PTK2: variants seen among roughly 807,000 people sequenced by gnomAD.
The protein encoded by PTK2 is protein tyrosine kinase 2.
PTK2 carries 45 observed loss-of-function variants against 150.1 expected under a neutral mutation model. The ratio of observed to expected loss-of-function variants is 0.30; its 90% CI spans 0.24 to 0.38. The LOEUF is 0.38. Ranked by LOEUF, PTK2 falls within the 10% of genes least tolerant of loss-of-function variation. The pLI is 1.00. For synonymous variants in PTK2, 432 were observed against 449.2 expected, an observed-to-expected ratio of 0.96 and a Z score of 0.48; for missense variants, 919 against 1,307.3, an observed-to-expected ratio of 0.70 and a Z score of 4.58.
At chr8:140,681,564 T>C (rs954367276) in intron 27 of PTK2, among the ~76,000 whole-genome samples, 1 of 151,794 alleles carries the variant, frequency 6.6e-6, no homozygotes, top group Admixed American at 6.6e-5. Flanking sequence ...GATCACGAAG[T>C]CAGGAGATCG....
rs557527520 is a variant in PTK2 at position 140,851,691 on chromosome 8, T to C, written c.451-5013A>G. On this transcript the variant is annotated intron_variant, in intron 5 of 31. Coordinates refer to ENST00000522684, the Ensembl canonical transcript of PTK2. ...CTGGTCAACATGGCAAAAACATCTC[T>C]CTACTATAAATACAAAAATTAGGCA... Among the ~76,000 whole-genome samples, 5 of 152,090 alleles carry C rather than the reference T, an allele frequency of 3.3e-5. No individual in the cohort carries two copies. In the South Asian group the frequency reaches 6.2e-4, roughly 19 times the overall value.
chr8:140,711,690 G>A (rs1342626643), intron 23 of PTK2, among the ~76,000 whole-genome samples: 1 of 152,124 alleles, frequency 6.6e-6, no homozygotes, highest in African/African-American at 2.4e-5. Flanking sequence ...AGTTATAGCT[G>A]TGGGGGTCTG....
chr8:140,925,487 A>G (rs540584239), intron 2 of PTK2, 174 bp downstream of exon 2: 74 of 287,848 alleles, frequency 2.6e-4, no homozygotes, highest in African/African-American at 1.7e-3. Context: ...CAATTTTTCA[A>G]AAATTTTAGT....
Position 140,846,702 on chromosome 8 carries a change from A to G in PTK2, c.451-24T>C, listed in dbSNP as rs764544278. ...ACCTACAACAAAAGGAATGGGAAAA[A>G]CAACACTGTTTTAAAAGAAAAATAT... is the stretch of plus-strand genomic sequence containing the variant. On this transcript the variant is annotated intron_variant, in intron 5 of 31. Coordinates refer to ENST00000522684, the Ensembl canonical transcript of PTK2. 16 of 1,555,200 alleles carry G rather than the reference A, an allele frequency of 1.0e-5. No homozygotes were observed. The Admixed American group carries it at 2.7e-4, about 26-fold the overall frequency.
At chr8:140,838,733 G>A (rs1262743925) in intron 7 of PTK2, among the ~76,000 whole-genome samples, 1 of 152,118 alleles carries the variant, frequency 6.6e-6, no homozygotes, top group Non-Finnish European at 1.5e-5. Context: ...TAGGCCGGGC[G>A]CGGTGGCTCA....
At chr8:140,832,355 TCA>T (rs1432057909) in intron 7 of PTK2, among the ~76,000 whole-genome samples, 9 of 152,154 alleles carry the variant, frequency 5.9e-5, no homozygotes, top group African/African-American at 2.2e-4. Flanking sequence ...GCGCCCAGCC[TCA>T]GAGAGTTCTT....
intron 2 of PTK2, among the ~76,000 whole-genome samples, chr8:140,892,914 C>A (rs1455990115): frequency 6.6e-6 from 1 of 152,170 alleles, no homozygotes; most frequent in African/African-American, 2.4e-5. Flanking sequence ...TAAAATGGTG[C>A]AACTACTATG....
intron 1 of PTK2, among the ~76,000 whole-genome samples, chr8:140,952,608 A>G (rs2100179881): frequency 6.6e-6 from 1 of 152,256 alleles, no homozygotes. Flanking sequence ...AACACTTGCG[A>G]AAGTCAAATT....
intron 27 of PTK2, among the ~76,000 whole-genome samples, chr8:140,681,553 G>T (rs762323270): frequency 7.2e-5 from 11 of 151,730 alleles, no homozygotes; most frequent in Admixed American, 4.6e-4. Flanking sequence ...GGGCAGGGGG[G>T]GATCACGAAG....
intron 14 of PTK2, among the ~76,000 whole-genome samples, chr8:140,769,973 T>C (rs1372129661): frequency 6.6e-6 from 1 of 152,134 alleles, no homozygotes; most frequent in Non-Finnish European, 1.5e-5. Flanking sequence ...TCCCCTCAGA[T>C]AAAAATGCAA....
intron 7 of PTK2, 117 bp downstream of exon 7, chr8:140,846,143 C>T: frequency 2.7e-6 from 2 of 754,498 alleles, no homozygotes. Context: ...TCCTTTTCCT[C>T]TTCTGGATAT....
In PTK2 at chr8:140,749,252, G is replaced by T. The variant is rs541171107; in HGVS notation, c.1418-2392C>A. On this transcript the variant is annotated intron_variant, in intron 17 of 31. Coordinates refer to ENST00000522684, the Ensembl canonical transcript of PTK2. ...CTCACCTTGTCACATTCAGTTCATT[G>T]CTTATACCATGATATTTTTGGATAA... is the stretch of plus-strand genomic sequence containing the variant. 1.6e-3 allele frequency among the ~76,000 whole-genome samples: 246 copies of T among 152,184 alleles called. 2 individuals are homozygous for T. Among genetic ancestry groups the T allele is most frequent in the African/African-American group, 5.8e-3 (241 of 41,496 alleles).
At chr8:140,915,944 C>G (rs2100165091) in intron 2 of PTK2, among the ~76,000 whole-genome samples, 2 of 151,670 alleles carry the variant, frequency 1.3e-5, no homozygotes, top group Non-Finnish European at 2.9e-5. Flanking sequence ...AGAAACCTAT[C>G]CACTGACAGC....
intron 26 of PTK2, among the ~76,000 whole-genome samples, chr8:140,696,377 G>C (rs900522402): frequency 1.4e-4 from 21 of 152,146 alleles, no homozygotes; most frequent in African/African-American, 4.6e-4. Flanking sequence ...AGAGTGCAGG[G>C]GGTTGGGGGA....
At chr8:140,776,727 C>T (rs1037439735) in intron 14 of PTK2, among the ~76,000 whole-genome samples, 4 of 152,166 alleles carry the variant, frequency 2.6e-5, no homozygotes, top group East Asian at 1.9e-4. Context: ...TTCCACATGG[C>T]GAGAACATAG....
chr8:140,820,241 C>T (rs1305739676), intron 8 of PTK2, among the ~76,000 whole-genome samples: 1 of 151,384 alleles, frequency 6.6e-6, no homozygotes, highest in East Asian at 1.9e-4. Flanking sequence ...GCTGGGATTA[C>T]AGGTGTGCAC....
Position 140,914,351 on chromosome 8 carries a change from T to C in PTK2, c.-33+11310A>G, listed in dbSNP as rs956539532. ...CAGTTTAAACAATTATAGATGAATC[T>C]GAAATCAAAGATTTGTGAACACTTT... On this transcript the variant is annotated intron_variant, in intron 2 of 31. Coordinates refer to ENST00000522684, the Ensembl canonical transcript of PTK2. 1.2e-4 allele frequency among the ~76,000 whole-genome samples: 18 copies of C among 151,634 alleles called. No homozygotes were observed. The East Asian group carries it at 3.3e-3, about 28-fold the overall frequency.
At chr8:140,938,907 C>T (rs1310090843) in intron 1 of PTK2, among the ~76,000 whole-genome samples, 1 of 152,000 alleles carries the variant, frequency 6.6e-6, no homozygotes, top group Non-Finnish European at 1.5e-5. Context: ...ACTCAGGAGG[C>T]TAAGGCAGGA....
intron 1 of PTK2, among the ~76,000 whole-genome samples, chr8:140,943,666 A>G (rs770515681): frequency 1.3e-5 from 2 of 152,228 alleles, no homozygotes; most frequent in Non-Finnish European, 2.9e-5. Context: ...TTCTTTAGCA[A>G]TCATAACATT....
Sources: gnomAD v4.1 joint callset for allele counts (sites outside exome capture counted in the v4.1 genomes callset) on GRCh38, gnomAD v4.1.1 for gene constraint, MANE v1.5 for transcripts, NCBI Gene and HGNC (gene_info 2026-07-23, HGNC 2026-07-21) for gene names.